The following TBC1D8 variants were observed in gnomAD, a reference collection of about 807,000 sequenced individuals.
TBC1D8 encodes the protein TBC1 domain family member 8.
In TBC1D8, 65 loss-of-function variants were observed where a neutral mutation model predicts 118.8. That is an observed-to-expected ratio of 0.55 (90% confidence interval 0.45 to 0.67). The LOEUF (loss-of-function observed/expected upper bound fraction) is 0.67, where lower values mean the gene tolerates loss of function less well. Ranked by LOEUF, TBC1D8 falls within the 30% of genes least tolerant of loss-of-function variation. The pLI, the probability that TBC1D8 is intolerant of heterozygous loss-of-function variation, is 0.00. For synonymous variants in TBC1D8, 566 were observed against 595.8 expected, an observed-to-expected ratio of 0.95 and a Z score of 0.73; for missense variants, 1,376 against 1,471.2, an observed-to-expected ratio of 0.94 and a Z score of 1.06.
At chr2:101,117,355 A>G (rs1300119074) in intron 1 of TBC1D8, among the ~76,000 whole-genome samples, 2 of 152,198 alleles carry the variant, frequency 1.3e-5, no homozygotes, top group African/African-American at 4.8e-5. Flanking sequence ...ATGGCTCTCC[A>G]AAGCCTCCCA....
chr2:101,149,712 G>A (rs13009306), intron 1 of TBC1D8, among the ~76,000 whole-genome samples: 5,779 of 152,194 alleles, frequency 0.038, 171 homozygotes, highest in East Asian at 0.12. Flanking sequence ...CTCTTCCCAG[G>A]GCACCACCCA....
At chr2:101,091,454 G>C (rs1233358456) in intron 1 of TBC1D8, among the ~76,000 whole-genome samples, 1 of 152,074 alleles carries the variant, frequency 6.6e-6, no homozygotes, top group Non-Finnish European at 1.5e-5. Context: ...AGCTGGGTGC[G>C]GTGGCTCATG....
At chr2:101,089,276 C>T (rs1675851081) in intron 2 of TBC1D8, among the ~76,000 whole-genome samples, 1 of 152,022 alleles carries the variant, frequency 6.6e-6, no homozygotes. Context: ...TAATAAGGTG[C>T]TATGAGAAGA....
chr2:101,085,041 C>A (rs1174558726), intron 2 of TBC1D8, among the ~76,000 whole-genome samples: 1 of 151,594 alleles, frequency 6.6e-6, no homozygotes, highest in Non-Finnish European at 1.5e-5. Context: ...TTAGTAGAGT[C>A]GGGGTTTCAC....
intron 2 of TBC1D8, among the ~76,000 whole-genome samples, chr2:101,066,383 A>G (rs1308569068): frequency 6.6e-6 from 1 of 152,210 alleles, no homozygotes; most frequent in East Asian, 1.9e-4. Flanking sequence ...GAAGACATTT[A>G]AAAAGACCCA....
chr2:101,107,751 T>C (rs1677318055), intron 1 of TBC1D8, among the ~76,000 whole-genome samples: 1 of 152,160 alleles, frequency 6.6e-6, no homozygotes, highest in Admixed American at 6.5e-5. Flanking sequence ...CCTGGAACCA[T>C]TTACAGTGTC....
chr2:101,021,145 A>G (rs1680007241), intron 17 of TBC1D8, among the ~76,000 whole-genome samples: 1 of 152,046 alleles, frequency 6.6e-6, no homozygotes, highest in Non-Finnish European at 1.5e-5. Context: ...GGGATTTCTG[A>G]TTCATCTCTA....
intron 1 of TBC1D8, among the ~76,000 whole-genome samples, chr2:101,141,963 G>A (rs1470744123): frequency 6.6e-6 from 1 of 152,116 alleles, no homozygotes; most frequent in Non-Finnish European, 1.5e-5. Flanking sequence ...TAGTAACAAT[G>A]AGAAATAGTA....
chr2:101,115,166 C>G (rs1284966890), intron 1 of TBC1D8, among the ~76,000 whole-genome samples: 1 of 152,198 alleles, frequency 6.6e-6, no homozygotes, highest in Middle Eastern at 3.2e-3. Flanking sequence ...TTATGACAGA[C>G]AGCGGTCACC....
intron 15 of TBC1D8, chr2:101,024,156 C>T (rs1680202241): frequency 6.6e-6 from 1 of 152,054 alleles, no homozygotes; most frequent in African/African-American, 2.4e-5. Flanking sequence ...ACATAGAATG[C>T]CACAGGAAAA....
In TBC1D8 at chr2:101,045,992, C is replaced by CTAAT. The variant is rs541757673; in HGVS notation, c.872+4405_872+4408dup. On this transcript the variant is annotated intron_variant, in intron 5 of 19. Coordinates refer to ENST00000409318, the MANE Select transcript of TBC1D8 (RefSeq NM_001330348.2). ...TAGGCAACAGAGCAACATTCTGCCT[C>CTAAT]TAATTAATTAATTAATTAATTAACT... 3.9e-3 allele frequency among the ~76,000 whole-genome samples: 590 copies of CTAAT among 152,126 alleles called. 5 individuals are homozygous for CTAAT. The highest frequency in any genetic ancestry group is 0.012 in the African/African-American group (511 of 41,486).
At chr2:101,066,944 CAAAAAAAAAA>C (rs543680787) in intron 2 of TBC1D8, among the ~76,000 whole-genome samples, 27 of 114,924 alleles carry the variant, frequency 2.3e-4, no homozygotes, top group East Asian at 1.1e-3. Flanking sequence ...GAGAGTATCC[CAAAAAAAAAA>C]AAAAAAAAAA....
intron 3 of TBC1D8, 148 bp downstream of exon 3, chr2:101,059,273 A>G: frequency 1.8e-6 from 1 of 548,044 alleles, no homozygotes; most frequent in South Asian, 2.4e-5. Flanking sequence ...CAAAGTTAAG[A>G]CAGGTGATAA....
intron 1 of TBC1D8, among the ~76,000 whole-genome samples, chr2:101,146,620 G>A (rs1174696300): frequency 6.6e-6 from 1 of 151,948 alleles, no homozygotes; most frequent in African/African-American, 2.4e-5. Context: ...CATATTTATG[G>A]GATACAATTT....
intron 17 of TBC1D8, among the ~76,000 whole-genome samples, chr2:101,015,442 T>A (rs1298961879): frequency 5.3e-5 from 8 of 152,226 alleles, no homozygotes; most frequent in Admixed American, 5.2e-4. Flanking sequence ...CAATAATAAA[T>A]TAACCTCAGC....
intron 19 of TBC1D8, among the ~76,000 whole-genome samples, chr2:101,009,406 CAA>C (rs70943054): frequency 2.6e-4 from 25 of 97,750 alleles, no homozygotes; most frequent in African/African-American, 3.2e-4. Context: ...ACTCTGTCTC[CAA>C]AAAAAAAAAA....
At chr2:101,068,042 T>C (rs1439670266) in intron 2 of TBC1D8, among the ~76,000 whole-genome samples, 1 of 152,210 alleles carries the variant, frequency 6.6e-6, no homozygotes, top group African/African-American at 2.4e-5. Flanking sequence ...TCAAGTTTAA[T>C]GAGATTGCAG....
At chr2:101,084,228 T>C (rs1675447319) in intron 2 of TBC1D8, among the ~76,000 whole-genome samples, 1 of 152,086 alleles carries the variant, frequency 6.6e-6, no homozygotes, top group South Asian at 2.1e-4. Context: ...TGGCAGGCAA[T>C]TTGGCAATAA....
chr2:101,035,960 C>T, intron 9 of TBC1D8, 58 bp downstream of exon 9: 1 of 1,595,748 alleles, frequency 6.3e-7, no homozygotes, highest in Non-Finnish European at 8.6e-7. Context: ...CGGGTCCGGG[C>T]TGTTCCTGTG....
Sources: allele counts gnomAD v4.1 joint callset (sites outside exome capture counted in the v4.1 genomes callset), GRCh38; gene constraint gnomAD v4.1.1; transcripts MANE v1.5; gene names NCBI Gene and HGNC (gene_info 2026-07-23, HGNC 2026-07-21).